AFAP1: variants seen among roughly 807,000 people sequenced by gnomAD.
AFAP1 encodes the protein actin filament associated protein 1.
A neutral mutation model predicts 93.9 loss-of-function variants in AFAP1; 75 were observed. That is an observed-to-expected ratio of 0.80 (90% confidence interval 0.66 to 0.97). The LOEUF (loss-of-function observed/expected upper bound fraction) is 0.97, where lower values mean the gene tolerates loss of function less well. AFAP1 is among the 50% of genes least tolerant of loss of function. AFAP1 has a pLI of 0.00. For synonymous variants in AFAP1, 517 were observed against 430.7 expected (o/e 1.20, Z -2.48); for missense variants, 1,201 against 1,050.8 (o/e 1.14, Z -1.98).
At chr4:7,929,455 G>C (rs1256773294) in intron 1 of AFAP1, among the ~76,000 whole-genome samples, 2 of 152,216 alleles carry the variant, frequency 1.3e-5, no homozygotes, top group African/African-American at 4.8e-5. Context: ...ATTTGGGGCT[G>C]GCTGGCTGTA....
intron 1 of AFAP1, among the ~76,000 whole-genome samples, chr4:7,933,222 C>G (rs1282544714): frequency 6.6e-6 from 1 of 151,866 alleles, no homozygotes; most frequent in Non-Finnish European, 1.5e-5. Context: ...TGCCACAGGC[C>G]TTAGGAAGAG....
At chr4:7,796,707 C>CA (rs201907664) in intron 10 of AFAP1, among the ~76,000 whole-genome samples, 17,121 of 148,730 alleles carry the variant, frequency 0.12, 1,197 homozygotes, top group East Asian at 0.27. Flanking sequence ...GCTGAGATCA[C>CA]ACCACTGCAC....
chr4:7,895,963 C>A (rs1306685267), intron 1 of AFAP1, among the ~76,000 whole-genome samples: 4 of 149,042 alleles, frequency 2.7e-5, no homozygotes, highest in African/African-American at 9.9e-5. Context: ...CACGTTGAAG[C>A]GATTCTCCTG....
At chr4:7,779,007 CG>C in intron 13 of AFAP1, 131 bp from the exon 14 acceptor site, 1 of 701,976 alleles carries the variant, frequency 1.4e-6, no homozygotes, top group East Asian at 2.7e-5. Context: ...GAGGAAAAAT[CG>C]AAAGTGAAAG....
chr4:7,781,197 C>T (rs1322813923), intron 13 of AFAP1, among the ~76,000 whole-genome samples, 179 bp downstream of exon 13: 1 of 151,906 alleles, frequency 6.6e-6, no homozygotes, highest in Non-Finnish European at 1.5e-5. Context: ...ACCATGAGCT[C>T]GTTAGAAATA....
intron 6 of AFAP1, among the ~76,000 whole-genome samples, chr4:7,828,068 A>T (rs973557060): frequency 3.3e-5 from 5 of 152,220 alleles, no homozygotes; most frequent in African/African-American, 4.8e-5. Context: ...CGTGGCTTCA[A>T]ATGTGGGTGT....
chr4:7,788,398 C>A (rs867171698), intron 11 of AFAP1, among the ~76,000 whole-genome samples: 8 of 152,228 alleles, frequency 5.3e-5, no homozygotes, highest in African/African-American at 1.9e-4. Flanking sequence ...TTCAGCAGTG[C>A]GGGCCGCGGA....
chr4:7,852,260 G>A (rs1158399775), intron 4 of AFAP1, among the ~76,000 whole-genome samples: 1 of 152,130 alleles, frequency 6.6e-6, no homozygotes, highest in African/African-American at 2.4e-5. Context: ...TACCCCCAGT[G>A]ACCCACTAAC....
At chr4:7,934,886 C>A (rs1721289053) in intron 1 of AFAP1, among the ~76,000 whole-genome samples, 1 of 152,212 alleles carries the variant, frequency 6.6e-6, no homozygotes, top group Non-Finnish European at 1.5e-5. Flanking sequence ...TTCATTACTT[C>A]ATTTTTTACA....
intron 1 of AFAP1, among the ~76,000 whole-genome samples, chr4:7,890,600 A>C (rs1034326655): frequency 1.3e-5 from 2 of 152,226 alleles, no homozygotes; most frequent in Non-Finnish European, 2.9e-5. Flanking sequence ...AACACACTGA[A>C]TACCAAAAAC....
intron 1 of AFAP1, among the ~76,000 whole-genome samples, chr4:7,882,259 T>A (rs1717894689): frequency 6.6e-6 from 1 of 151,996 alleles, no homozygotes; most frequent in Non-Finnish European, 1.5e-5. Flanking sequence ...TTTACCAGAA[T>A]TACCCTCACA....
At chr4:7,801,394 A>C (rs1719012988) in intron 9 of AFAP1, among the ~76,000 whole-genome samples, 1 of 152,174 alleles carries the variant, frequency 6.6e-6, no homozygotes, top group African/African-American at 2.4e-5. Context: ...TCACAGATAG[A>C]GGAGTGGTAG....
At chr4:7,768,238 G>T (rs914764441) in intron 17 of AFAP1, among the ~76,000 whole-genome samples, 13 of 152,258 alleles carry the variant, frequency 8.5e-5, no homozygotes, top group Non-Finnish European at 1.8e-4. Context: ...TTCCGCTGCT[G>T]CCGCCAGGAC....
chr4:7,916,189 AC>A (rs1218712555), intron 1 of AFAP1, among the ~76,000 whole-genome samples: 2 of 152,188 alleles, frequency 1.3e-5, no homozygotes, highest in African/African-American at 4.8e-5. Context: ...CACAAAAGTG[AC>A]CCACAAAGGA....
intron 1 of AFAP1, among the ~76,000 whole-genome samples, chr4:7,908,523 C>A (rs964935505): frequency 3.9e-5 from 6 of 152,316 alleles, no homozygotes; most frequent in African/African-American, 1.4e-4. Flanking sequence ...TTTACCAATG[C>A]AGCTTTGATA....
chr4:7,809,557 G>A (rs572986629), intron 9 of AFAP1, 57 bp downstream of exon 9: 140 of 1,563,040 alleles, frequency 9.0e-5, no homozygotes, highest in Non-Finnish European at 1.2e-4. Context: ...ACCACTGCAG[G>A]AGAAAATGAA....
intron 9 of AFAP1, among the ~76,000 whole-genome samples, chr4:7,807,857 GC>G (rs1374231225): frequency 6.6e-6 from 1 of 152,192 alleles, no homozygotes; most frequent in Admixed American, 6.5e-5. Flanking sequence ...CCTCGCATCT[GC>G]CCCTGCAATC....
At chr4:7,841,965 C>T (rs745375113) in intron 5 of AFAP1, among the ~76,000 whole-genome samples, 15 of 152,100 alleles carry the variant, frequency 9.9e-5, no homozygotes, top group Admixed American at 2.0e-4. Flanking sequence ...TACACACAAC[C>T]GCGAAGCTTC....
intron 1 of AFAP1, among the ~76,000 whole-genome samples, chr4:7,873,281 T>G (rs1256996596): frequency 1.4e-5 from 2 of 140,246 alleles, no homozygotes; most frequent in East Asian, 4.2e-4. Flanking sequence ...CACTTAGGAG[T>G]GTCTTTGAGA....
Sources: allele counts gnomAD v4.1 joint callset (sites outside exome capture counted in the v4.1 genomes callset), GRCh38; gene constraint gnomAD v4.1.1; transcripts MANE v1.5; gene names NCBI Gene and HGNC (gene_info 2026-07-23, HGNC 2026-07-21).